Variants in PKHD1 observed in about 807,000 individuals in gnomAD.
PKHD1 encodes fibrocystin.
A neutral mutation model predicts 412.0 loss-of-function variants in PKHD1; 291 were observed. The ratio of observed to expected loss-of-function variants is 0.71; its 90% CI spans 0.64 to 0.78. The LOEUF (loss-of-function observed/expected upper bound fraction) is 0.78, where lower values mean the gene tolerates loss of function less well. Ranked by LOEUF, PKHD1 falls within the 30% of genes least tolerant of loss-of-function variation. The pLI is 0.00. For missense variants in PKHD1, 4,825 were observed against 4,950.7 expected (o/e 0.97, Z 0.76); for synonymous variants, 1,777 against 1,821.5 (o/e 0.98, Z 0.62).
chr6:52,057,320 C>A (rs755135702), intron 16 of PKHD1, among the ~76,000 whole-genome samples: 1 of 152,222 alleles, frequency 6.6e-6, no homozygotes, highest in Non-Finnish European at 1.5e-5. Context: ...CCATGGCATG[C>A]ACCCTCTCTT....
intron 29 of PKHD1, among the ~76,000 whole-genome samples, chr6:52,029,376 G>A (rs1581835579): frequency 6.6e-6 from 1 of 152,122 alleles, no homozygotes; most frequent in African/African-American, 2.4e-5. Flanking sequence ...GTACCATAAG[G>A]AAGATGCTGC....
intron 60 of PKHD1, among the ~76,000 whole-genome samples, chr6:51,741,638 T>C (rs976114242): frequency 6.6e-6 from 1 of 152,180 alleles, no homozygotes; most frequent in African/African-American, 2.4e-5. Flanking sequence ...CAGTTCCCTA[T>C]CAGACTTGAG....
intron 66 of PKHD1, among the ~76,000 whole-genome samples, chr6:51,626,065 T>C (rs982185107): frequency 6.6e-6 from 1 of 151,866 alleles, no homozygotes; most frequent in Non-Finnish European, 1.5e-5. Context: ...TGGAAAAATA[T>C]ACAAACAAGC....
At chr6:51,649,971 T>C (rs1770675364) in intron 61 of PKHD1, among the ~76,000 whole-genome samples, 1 of 152,192 alleles carries the variant, frequency 6.6e-6, no homozygotes, top group Admixed American at 6.6e-5. Flanking sequence ...ATAAATTCAT[T>C]GCATCTTTAA....
intron 60 of PKHD1, among the ~76,000 whole-genome samples, chr6:51,682,014 G>A (rs1435132378): frequency 1.3e-5 from 2 of 152,038 alleles, no homozygotes; most frequent in African/African-American, 4.8e-5. Context: ...TTGAGTTCCT[G>A]CCAACCAAAG....
At chr6:51,889,615 A>G (rs983536085) in intron 43 of PKHD1, among the ~76,000 whole-genome samples, 16 of 152,156 alleles carry the variant, frequency 1.1e-4, no homozygotes, top group Non-Finnish European at 2.2e-4. Flanking sequence ...GTTTTTAGAT[A>G]TTTTGATTTA....
intron 52 of PKHD1, among the ~76,000 whole-genome samples, chr6:51,799,442 A>G (rs554844849): frequency 6.6e-6 from 1 of 152,296 alleles, no homozygotes; most frequent in African/African-American, 2.4e-5. Context: ...CAAATAAATA[A>G]TGTGATATAC....
intron 64 of PKHD1, among the ~76,000 whole-genome samples, chr6:51,635,613 C>T (rs979543833): frequency 1.3e-5 from 2 of 151,746 alleles, no homozygotes; most frequent in African/African-American, 4.8e-5. Flanking sequence ...TACTATAAAG[C>T]CAGGGAGTGA....
chr6:51,802,419 G>A (rs915807825), intron 52 of PKHD1, among the ~76,000 whole-genome samples: 3 of 151,418 alleles, frequency 2.0e-5, no homozygotes, highest in Non-Finnish European at 4.4e-5. Context: ...CATGAGGTTT[G>A]GAGATAAAAT....
intron 60 of PKHD1, among the ~76,000 whole-genome samples, chr6:51,689,471 A>G (rs1582097900): frequency 6.6e-6 from 1 of 152,186 alleles, no homozygotes; most frequent in African/African-American, 2.4e-5. Context: ...TCCTATTCAA[A>G]ATAGTACTGG....
chr6:51,762,665 A>ATTT (rs142571019), intron 55 of PKHD1, among the ~76,000 whole-genome samples: 4 of 146,354 alleles, frequency 2.7e-5, no homozygotes, highest in Non-Finnish European at 4.5e-5. Context: ...ATATATATAT[A>ATTT]TTTTCAGGTA....
intron 35 of PKHD1, among the ~76,000 whole-genome samples, chr6:51,970,686 C>T (rs1266902): frequency 6.6e-5 from 10 of 152,010 alleles, no homozygotes; most frequent in Admixed American, 1.3e-4. Flanking sequence ...CAATTTCCCC[C>T]GCACACTTAT....
intron 20 of PKHD1, 47 bp downstream of exon 20, chr6:52,053,991 C>T (rs1279835681): frequency 1.9e-6 from 3 of 1,609,994 alleles, no homozygotes; most frequent in Non-Finnish European, 2.5e-6. Flanking sequence ...ACAGTGAATC[C>T]TCCCAGCTGA....
Position 51,748,681 on chromosome 6 carries a change from T to G in PKHD1, c.8951-16A>C. 2 of 1,612,098 alleles carry G rather than the reference T, an allele frequency of 1.2e-6. No individual in the cohort carries two copies. Among genetic ancestry groups the G allele is most frequent in the East Asian group, 2.2e-5 (1 of 44,878 alleles). Reference sequence around the variant, plus strand: ...TGAAGGACACCTATAAACAAATGCATGTCATCAGGTACTTTCCTCTTCCCC... The same window carrying G: ...TGAAGGACACCTATAAACAAATGCAGGTCATCAGGTACTTTCCTCTTCCCC... On this transcript the variant is annotated splice_polypyrimidine_tract_variant and intron_variant, in intron 57 of 66. Coordinates refer to ENST00000371117, the MANE Select transcript of PKHD1 (RefSeq NM_138694.4).
chr6:51,750,009 A>G (rs536532771), intron 57 of PKHD1, among the ~76,000 whole-genome samples: 33 of 152,212 alleles, frequency 2.2e-4, no homozygotes, highest in Non-Finnish European at 3.8e-4. Flanking sequence ...CAATAATAGT[A>G]TTAATAGTAT....
intron 55 of PKHD1, among the ~76,000 whole-genome samples, chr6:51,764,121 C>T (rs1356454635): frequency 7.3e-6 from 1 of 137,428 alleles, no homozygotes; most frequent in African/African-American, 2.8e-5. Context: ...CCACCACAGT[C>T]CCCAGAGTGT....
chr6:51,955,102 C>A (rs1053214261), intron 36 of PKHD1, among the ~76,000 whole-genome samples: 1 of 151,856 alleles, frequency 6.6e-6, no homozygotes, highest in African/African-American at 2.4e-5. Flanking sequence ...ATATAATTAA[C>A]TAAATCAAGG....
rs1396559951 is a variant in PKHD1, at chr6:51,886,351, T to G, written c.7110-379A>C. On this transcript the variant is annotated intron_variant, in intron 44 of 66. Coordinates refer to ENST00000371117, the MANE Select transcript of PKHD1 (RefSeq NM_138694.4). Reference sequence around the variant, plus strand: ...CGAACTGTTATGATCTAGAAAATAATGCTAACACAATTATATACAAAAGCC... The same window carrying G: ...CGAACTGTTATGATCTAGAAAATAAGGCTAACACAATTATATACAAAAGCC... Among the ~76,000 whole-genome samples, 16 of 152,222 alleles carry G rather than the reference T, an allele frequency of 1.1e-4. 1 individual carries two copies. The highest frequency in any genetic ancestry group is 1.0e-3 in the Admixed American group (16 of 15,272).
At chr6:51,890,755 G>C (rs1301413239) in intron 43 of PKHD1, among the ~76,000 whole-genome samples, 1 of 152,184 alleles carries the variant, frequency 6.6e-6, no homozygotes, top group East Asian at 1.9e-4. Context: ...ATGGGTAGGG[G>C]TGTGGGACAT....
Sources: allele counts gnomAD v4.1 joint callset (sites outside exome capture counted in the v4.1 genomes callset), GRCh38; gene constraint gnomAD v4.1.1; transcripts MANE v1.5; gene names NCBI Gene and HGNC (gene_info 2026-07-23, HGNC 2026-07-21).